The following ANKRD11 variants were observed in gnomAD, a reference collection of about 807,000 sequenced individuals.
ANKRD11 encodes the protein ankyrin repeat domain 11.
A neutral mutation model predicts 195.7 loss-of-function variants in ANKRD11; 17 were observed. The ratio of observed to expected loss-of-function variants is 0.09; its 90% CI spans 0.06 to 0.13. The LOEUF (loss-of-function observed/expected upper bound fraction) is 0.13, where lower values mean the gene tolerates loss of function less well. Ranked by LOEUF, ANKRD11 falls within the 10% of genes least tolerant of loss-of-function variation. ANKRD11 has a pLI of 1.00. For missense variants in ANKRD11, 3,735 were observed against 3,566.1 expected, an observed-to-expected ratio of 1.05 and a Z score of -1.21; for synonymous variants, 1,953 against 1,528.1, an observed-to-expected ratio of 1.28 and a Z score of -6.49.
chr16:89,331,931 G>A (rs867681992), intron 2 of ANKRD11, among the ~76,000 whole-genome samples: 5 of 152,116 alleles, frequency 3.3e-5, no homozygotes, highest in African/African-American at 9.7e-5. Context: ...GCTGGGAACC[G>A]TCATCACCAC....
intron 1 of ANKRD11, among the ~76,000 whole-genome samples, chr16:89,482,229 T>C (rs1397893454): frequency 6.6e-6 from 1 of 152,134 alleles, no homozygotes; most frequent in African/African-American, 2.4e-5. Flanking sequence ...GTTCTCCCAC[T>C]GTAGAGCACA....
At position 89,280,105 on chromosome 16, in the gene ANKRD11, T is replaced by G. The variant is rs1037262166; in HGVS notation, c.6437A>C (p.Lys2146Thr). The stretch of plus-strand genomic sequence containing the variant: ...TTCCGCTTCACCATCTGCGGCATCT[T>G]TAGTCTGCAGGGGAAGCTCCGGCAG... Reference protein sequence around the residue: ...FSLPELPLQTKDAADGEAEPV... With the variant: ...FSLPELPLQTTDAADGEAEPV... The change falls in exon 9 of 13, where the codon AAA (lysine) becomes ACA (threonine). Residue 2146 changes from lysine (K) to threonine (T), a missense_variant. Physicochemically the swap from Lys to Thr is moderately conservative, Grantham distance 78. Coordinates refer to ENST00000301030, the MANE Select transcript of ANKRD11 (RefSeq NM_013275.6). The G allele has an allele frequency of 1.9e-6, 3 of 1,613,006 alleles. No individual in the cohort carries two copies. The highest frequency in any genetic ancestry group is 1.7e-6 in the Non-Finnish European group (2 of 1,179,878).
intron 2 of ANKRD11, among the ~76,000 whole-genome samples, chr16:89,401,566 T>C (rs2041688166): frequency 6.6e-6 from 1 of 152,202 alleles, no homozygotes; most frequent in South Asian, 2.1e-4. Flanking sequence ...CAGGCGATTT[T>C]TACTTTCTTC....
In ANKRD11 at chr16:89,285,138, G is replaced by C. The variant is rs1455456483; in HGVS notation, c.1404C>G (p.Arg468=). Residue 468 remains arginine (R), a synonymous_variant, in exon 9 of 13, where the codon CGC becomes CGG. Transcript: ENST00000301030. The surrounding 1 kb of genome is among the most constrained non-coding windows in gnomAD (Gnocchi z 5.6). ...AGAACTTGTCGCTCCGCTTTCCGAA[G>C]CGAACCTCTCTGCCTTTTGTTTCTT... ...RKKETKGREV[R]FGKRSDKFCS... The C allele has an allele frequency of 6.2e-7, 1 of 1,613,582 alleles. No homozygotes were observed. Among genetic ancestry groups the C allele is most frequent in the South Asian group, 1.1e-5 (1 of 91,088 alleles).
chr16:89,288,448 C>A, intron 7 of ANKRD11, 80 bp downstream of exon 7: 2 of 1,604,814 alleles, frequency 1.2e-6, no homozygotes, highest in Admixed American at 1.7e-5. Flanking sequence ...ATGGAACCGG[C>A]TAGCTACGGG....
chr16:89,376,480 C>A (rs2040428878), intron 2 of ANKRD11, among the ~76,000 whole-genome samples: 1 of 152,198 alleles, frequency 6.6e-6, no homozygotes, highest in African/African-American at 2.4e-5. Flanking sequence ...TTCCGTCACC[C>A]AGGCTGGAGT....
At chr16:89,326,707 A>G (rs1461333681) in intron 2 of ANKRD11, among the ~76,000 whole-genome samples, 6 of 152,052 alleles carry the variant, frequency 3.9e-5, no homozygotes, top group Non-Finnish European at 7.4e-5. Flanking sequence ...GCACCACTGC[A>G]CTCCAACCTT....
intron 2 of ANKRD11, among the ~76,000 whole-genome samples, chr16:89,321,479 C>A (rs1287631284): frequency 1.4e-5 from 1 of 69,914 alleles, no homozygotes. Context: ...ACTGTGGGGC[C>A]GGGTGGGGAG....
intron 1 of ANKRD11, among the ~76,000 whole-genome samples, chr16:89,487,727 T>C (rs540425564): frequency 1.1e-4 from 17 of 152,054 alleles, no homozygotes; most frequent in Middle Eastern, 3.4e-3. Context: ...TGAGCCAAGA[T>C]TGCGCCACTG....
At chr16:89,310,587 C>T (rs1006703762) in intron 3 of ANKRD11, among the ~76,000 whole-genome samples, 1 of 152,178 alleles carries the variant, frequency 6.6e-6, no homozygotes, top group Non-Finnish European at 1.5e-5. Context: ...TATAACTCTG[C>T]ATTTAGGTGT....
chr16:89,334,168 A>AAAAAAC (rs2038220826), intron 2 of ANKRD11, among the ~76,000 whole-genome samples: 2 of 146,676 alleles, frequency 1.4e-5, no homozygotes, highest in Non-Finnish European at 3.0e-5. Context: ...AAAAAAAAAA[A>AAAAAAC]AAAAACAGAG....
chr16:89,366,266 T>C (rs1268493185), intron 2 of ANKRD11, among the ~76,000 whole-genome samples: 1 of 152,210 alleles, frequency 6.6e-6, no homozygotes, highest in African/African-American at 2.4e-5. Context: ...TGTCTTCTTC[T>C]GTGAATGGTG....
chr16:89,288,044 G>A (rs2034774105), intron 7 of ANKRD11: 1 of 548,676 alleles, frequency 1.8e-6, no homozygotes, highest in South Asian at 2.7e-5. Context: ...CACAGAGGCT[G>A]AGACCTCTCA....
chr16:89,359,394 G>A (rs1239804343), intron 2 of ANKRD11, among the ~76,000 whole-genome samples: 1 of 152,196 alleles, frequency 6.6e-6, no homozygotes, highest in Non-Finnish European at 1.5e-5. Context: ...AGCTCCTGGA[G>A]CCAGCCCCAG....
At chr16:89,290,915 G>A in intron 5 of ANKRD11, 87 bp from the exon 6 acceptor site, 1 of 1,608,670 alleles carries the variant, frequency 6.2e-7, no homozygotes, top group African/African-American at 1.3e-5. Flanking sequence ...ACCATCACGA[G>A]GTCCCTTTGC....
intron 1 of ANKRD11, among the ~76,000 whole-genome samples, chr16:89,429,161 T>C (rs2042864930): frequency 7.0e-6 from 1 of 143,658 alleles, no homozygotes; most frequent in Non-Finnish European, 1.5e-5. Flanking sequence ...GACGTTCTAG[T>C]ACACAGCAGG....
intron 11 of ANKRD11, among the ~76,000 whole-genome samples, chr16:89,274,463 CCAG>C (rs1180116901): frequency 6.6e-6 from 1 of 152,056 alleles, no homozygotes; most frequent in African/African-American, 2.4e-5. Context: ...CAGGTGGAGC[CCAG>C]CAGTTTAAAC....
intron 1 of ANKRD11, among the ~76,000 whole-genome samples, chr16:89,432,950 CTCTCTCTCTCTCT>C (rs2043051197): frequency 3.6e-5 from 2 of 55,946 alleles, no homozygotes; most frequent in African/African-American, 1.2e-4. Context: ...CCCTATCTCT[CTCTCTCTCTCTCT>C]CTCTCTCTCT....
intron 1 of ANKRD11, among the ~76,000 whole-genome samples, chr16:89,467,673 A>G (rs1431303094): frequency 6.6e-6 from 1 of 152,014 alleles, no homozygotes; most frequent in Non-Finnish European, 1.5e-5. Flanking sequence ...TCACTCTTCA[A>G]CACGCAGGAT....
Sources: gnomAD v4.1 joint callset for allele counts (sites outside exome capture counted in the v4.1 genomes callset) on GRCh38, gnomAD v4.1.1 for gene constraint, Gnocchi (gnomAD v3.1) non-coding constraint, MANE v1.5 for transcripts, NCBI Gene and HGNC (gene_info 2026-07-23, HGNC 2026-07-21) for gene names.